Variants in VNN1 observed in about 807,000 individuals in gnomAD.
The protein encoded by VNN1 is pantetheinase.
A neutral mutation model predicts 41.9 loss-of-function variants in VNN1; 29 were observed. The observed-to-expected ratio is 0.69, with a 90% CI of 0.52 to 0.94. VNN1 has a LOEUF of 0.94. VNN1 is among the 40% of genes least tolerant of loss of function. The probability of loss-of-function intolerance (pLI) is 0.00; values close to 1 mark genes in which losing one functional copy is unlikely to be tolerated. For synonymous variants in VNN1, 233 were observed against 224.4 expected (o/e 1.04, Z -0.34); for missense variants, 637 against 621.1 (o/e 1.03, Z -0.27).
At chr6:132,705,003 G>A (rs1473669912) in intron 2 of VNN1, among the ~76,000 whole-genome samples, 1 of 151,818 alleles carries the variant, frequency 6.6e-6, no homozygotes, top group Non-Finnish European at 1.5e-5. Context: ...AACCTGAATA[G>A]ACAGATAACA....
rs548796871 is a variant in VNN1, at chr6:132,682,981, T to G, written c.*159A>C. On this transcript the variant is annotated 3_prime_UTR_variant, in exon 7 of 7. Coordinates refer to ENST00000367928, the MANE Select transcript of VNN1 (RefSeq NM_004666.3). Reference sequence around the variant, plus strand: ...ATAAAATCTACATTAACAGATAATTTATTAAGTTTATATTATCTGGTGTGT... The same window carrying G: ...ATAAAATCTACATTAACAGATAATTGATTAAGTTTATATTATCTGGTGTGT... 1.2e-3 allele frequency: 614 copies of G among 516,548 alleles called. 2 individuals are homozygous for G. The highest frequency in any genetic ancestry group is 1.3e-3 in the Non-Finnish European group (417 of 325,604). 32.0% of individuals were successfully genotyped at this position (516,548 alleles called of 1,614,324 possible). A position where few individuals can be genotyped will look rare whatever the true frequency, so the allele number is the denominator to read the frequency against.
intron 2 of VNN1, chr6:132,699,788 G>A (rs2745442): frequency 0.43 from 65,900 of 152,038 alleles, 15,420 homozygotes; most frequent in African/African-American, 0.6. Context: ...TTGGAATCAC[G>A]AAGGGGAAAA....
intron 2 of VNN1, among the ~76,000 whole-genome samples, chr6:132,694,479 CT>C (rs1778338938): frequency 6.6e-6 from 1 of 152,096 alleles, no homozygotes; most frequent in South Asian, 2.1e-4. Context: ...CTTATAATGT[CT>C]GCAGCATCCT....
intron 2 of VNN1, among the ~76,000 whole-genome samples, chr6:132,697,015 G>A (rs1778384274): frequency 6.6e-6 from 1 of 152,172 alleles, no homozygotes; most frequent in Admixed American, 6.5e-5. Context: ...TGAGGCAGCA[G>A]AATGGCGTGA....
chr6:132,704,466 G>C (rs1471471149), intron 2 of VNN1, among the ~76,000 whole-genome samples: 4 of 152,036 alleles, frequency 2.6e-5, no homozygotes, highest in Admixed American at 6.5e-5. Flanking sequence ...ATTACCAGCA[G>C]GTTAATGAAG....
In VNN1 at chr6:132,711,671, A is replaced by G. The variant is rs772724159; in HGVS notation, c.341+38T>C. ...AAGTTTTCCCAGGTAAATCAAGTTGATGTTTACTAGTGAATTTTTCACAAG... is the reference window on the plus strand; with the variant it reads ...AAGTTTTCCCAGGTAAATCAAGTTGGTGTTTACTAGTGAATTTTTCACAAG... On this transcript the variant is annotated intron_variant, in intron 2 of 6. Transcript: ENST00000367928. 4 of 1,597,078 alleles carry G rather than the reference A, an allele frequency of 2.5e-6. No individual in the cohort carries two copies. The African/African-American group carries it at 5.4e-5, about 22-fold the overall frequency.
chr6:132,702,517 C>T (rs576903704), intron 2 of VNN1, among the ~76,000 whole-genome samples: 83 of 152,262 alleles, frequency 5.5e-4, no homozygotes, highest in African/African-American at 1.8e-3. Flanking sequence ...GCGCACATAA[C>T]CTAGTGAGAC....
chr6:132,703,366 A>G (rs575483022), intron 2 of VNN1, among the ~76,000 whole-genome samples: 1 of 102,034 alleles, frequency 9.8e-6, no homozygotes, highest in Non-Finnish European at 2.6e-5. Context: ...AGACATAGAC[A>G]GTATAAGATA....
intron 6 of VNN1, 73 bp downstream of exon 6, chr6:132,684,262 C>A (rs926825850): frequency 1.4e-6 from 2 of 1,455,010 alleles, no homozygotes; most frequent in South Asian, 2.7e-5. Context: ...TTTGTAAGCA[C>A]TTGAGCAGAT....
chr6:132,691,600 A>G (rs776568642), intron 5 of VNN1, among the ~76,000 whole-genome samples: 1 of 152,320 alleles, frequency 6.6e-6, no homozygotes, highest in South Asian at 2.1e-4. Flanking sequence ...TCCTGTTATA[A>G]TGATCTGTAA....
intron 5 of VNN1, among the ~76,000 whole-genome samples, chr6:132,690,324 A>C (rs1479165235): frequency 6.6e-6 from 1 of 152,064 alleles, no homozygotes; most frequent in Non-Finnish European, 1.5e-5. Context: ...TTTCCCACCA[A>C]ACCCAGCTTC....
intron 1 of VNN1, 96 bp from the exon 2 acceptor site, chr6:132,711,935 C>A (rs1452534476): frequency 1.1e-5 from 13 of 1,190,544 alleles, no homozygotes; most frequent in Non-Finnish European, 1.5e-5. Flanking sequence ...CCCCACACCC[C>A]TTAAATCTTA....
In VNN1 at chr6:132,684,903, T is replaced by C. The variant is rs903975562; in HGVS notation, c.1189-398A>G. On this transcript the variant is annotated intron_variant, in intron 5 of 6. Transcript: ENST00000367928. The stretch of plus-strand genomic sequence containing the variant: ...AGCCCCAGTGCCTCCTGCAATTCAC[T>C]GTCAAAAAGATTAGCCCTGTAAAAG... Among the ~76,000 whole-genome samples, 41 of 152,358 alleles carry C rather than the reference T, an allele frequency of 2.7e-4. 1 individual carries two copies. Among genetic ancestry groups the C allele is most frequent in the Non-Finnish European group, 5.7e-4 (39 of 68,032 alleles).
chr6:132,693,919 C>A, intron 3 of VNN1, 71 bp downstream of exon 3: 1 of 1,529,666 alleles, frequency 6.5e-7, no homozygotes, highest in Non-Finnish European at 9.0e-7. Context: ...TTATCAATAA[C>A]ATATTTTTCT....
intron 2 of VNN1, among the ~76,000 whole-genome samples, chr6:132,708,684 G>C (rs1396860501): frequency 6.6e-6 from 1 of 152,068 alleles, no homozygotes; most frequent in African/African-American, 2.4e-5. Context: ...ACTTTATTCG[G>C]AATCTGTCCA....
intron 2 of VNN1, among the ~76,000 whole-genome samples, chr6:132,705,190 A>T (rs1778502209): frequency 6.9e-6 from 1 of 144,868 alleles, no homozygotes; most frequent in East Asian, 2.2e-4. Flanking sequence ...CTAGTATTAT[A>T]CTATACCAAA....
chr6:132,683,398 TAA>T (rs1364517665), intron 6 of VNN1, 76 bp from the exon 7 acceptor site: 65 of 1,430,236 alleles, frequency 4.5e-5, no homozygotes, highest in Non-Finnish European at 6.6e-6. Flanking sequence ...AAATTTACTA[TAA>T]CAGAATGAAG....
intron 2 of VNN1, among the ~76,000 whole-genome samples, chr6:132,694,384 A>C (rs956528087): frequency 6.6e-6 from 1 of 152,240 alleles, no homozygotes; most frequent in Non-Finnish European, 1.5e-5. Context: ...GTAGGAACCT[A>C]CTGTAGGATA....
intron 1 of VNN1, among the ~76,000 whole-genome samples, chr6:132,712,041 T>A (rs1483683729): frequency 6.6e-6 from 1 of 152,166 alleles, no homozygotes; most frequent in Admixed American, 6.5e-5. Context: ...CTTTTTCTTT[T>A]CTTTTCTTTA....
Sources: gnomAD v4.1 joint callset for allele counts (sites outside exome capture counted in the v4.1 genomes callset) on GRCh38, gnomAD v4.1.1 for gene constraint, MANE v1.5 for transcripts, NCBI Gene and HGNC (gene_info 2026-07-23, HGNC 2026-07-21) for gene names.